HEXA: variants seen among roughly 807,000 people sequenced by gnomAD.
The protein encoded by HEXA is beta-hexosaminidase subunit alpha.
In HEXA, 54 loss-of-function variants were observed where a neutral mutation model predicts 73.3. That is an observed-to-expected ratio of 0.74 (90% CI 0.59 to 0.92). The LOEUF is 0.92. Ranked by LOEUF, HEXA falls within the 40% of genes least tolerant of loss-of-function variation. HEXA has a pLI of 0.00. For missense variants in HEXA, 649 were observed against 653.0 expected, an observed-to-expected ratio of 0.99 and a Z score of 0.07; for synonymous variants, 230 against 246.9, an observed-to-expected ratio of 0.93 and a Z score of 0.64.
chr15:72,355,459 G>C, intron 3 of HEXA, 100 bp downstream of exon 3: 1 of 838,398 alleles, frequency 1.2e-6, no homozygotes, highest in Non-Finnish European at 2.1e-6. Flanking sequence ...CTAGGAGGCA[G>C]AGGTTGCAGT....
At chr15:72,348,892 T>C (rs1370863953) in intron 8 of HEXA, among the ~76,000 whole-genome samples, 187 bp downstream of exon 8, 1 of 152,070 alleles carries the variant, frequency 6.6e-6, no homozygotes, top group Non-Finnish European at 1.5e-5. Context: ...AGGTTCACAG[T>C]GAAAGCCTTG....
At chr15:72,371,299 C>T (rs1431781780) in intron 1 of HEXA, among the ~76,000 whole-genome samples, 1 of 152,162 alleles carries the variant, frequency 6.6e-6, no homozygotes, top group Non-Finnish European at 1.5e-5. Flanking sequence ...GAAAGGTAAT[C>T]CTCAATGAAA....
Position 72,343,872 on chromosome 15 carries a change from C to T in HEXA, c.*205G>A. ...CCATTCACACTTTTTTTTTTAAACA[C>T]AGGTAATCCATGTTTATTATAGAAA... On this transcript the variant is annotated 3_prime_UTR_variant, in exon 14 of 14. Transcript: ENST00000268097. 2 of 542,358 alleles carry T rather than the reference C, an allele frequency of 3.7e-6. No individual in the cohort carries two copies. The highest frequency in any genetic ancestry group is 2.0e-5 in the South Asian group (1 of 51,274). 33.6% of individuals were successfully genotyped at this position (542,358 alleles called of 1,614,324 possible).
chr15:72,354,073 G>C, intron 3 of HEXA: 1 of 351,360 alleles, frequency 2.8e-6, no homozygotes, highest in Non-Finnish European at 5.3e-6. Flanking sequence ...ATACTCATGA[G>C]GACAGACACA....
chr15:72,357,657 GA>G (rs2088803092), intron 1 of HEXA: 1 of 152,172 alleles, frequency 6.6e-6, no homozygotes, highest in African/African-American at 2.4e-5. Flanking sequence ...CAATGTCAGG[GA>G]TAGGATGGCC....
At chr15:72,355,073 C>A in intron 3 of HEXA, 1 of 197,706 alleles carries the variant, frequency 5.1e-6, no homozygotes, top group Non-Finnish European at 1.1e-5. Context: ...GCTACCTGTC[C>A]CCTGCTGGCA....
rs768292244 is a variant in HEXA at position 72,376,004 on chromosome 15, G to T, written c.-32C>A. On this transcript the variant is annotated 5_prime_UTR_variant, in exon 1 of 14. Transcript: ENST00000268097. ...CTGGTCTCCCCTCTCGGAGGGGGCTGGCCACGTGAGACCCTGGTCAGGTGA... is the reference window on the plus strand; with the variant it reads ...CTGGTCTCCCCTCTCGGAGGGGGCTTGCCACGTGAGACCCTGGTCAGGTGA... The T allele has an allele frequency of 6.2e-6, 10 of 1,608,510 alleles. No homozygotes were observed. In the Admixed American group the frequency reaches 1.7e-4, roughly 27 times the overall value.
At chr15:72,367,366 G>C (rs1333194855) in intron 1 of HEXA, among the ~76,000 whole-genome samples, 1 of 152,082 alleles carries the variant, frequency 6.6e-6, no homozygotes, top group African/African-American at 2.4e-5. Flanking sequence ...GTCATCCTCA[G>C]CACCCTTTCC....
intron 1 of HEXA, 45 bp downstream of exon 1, chr15:72,375,675 G>C (rs754782394): frequency 6.2e-7 from 1 of 1,611,546 alleles, no homozygotes; most frequent in Admixed American, 1.7e-5. Context: ...TCCCCAGGCA[G>C]GCACTCTCAG....
chr15:72,350,709 A>G, intron 6 of HEXA, 59 bp from the exon 7 acceptor site: 1 of 1,603,118 alleles, frequency 6.2e-7, no homozygotes, highest in Non-Finnish European at 8.5e-7. Context: ...AGAGTAGAAG[A>G]TACTCAAAAT....
chr15:72,346,505 A>G (rs537494521), intron 11 of HEXA, 22 bp downstream of exon 11: 1 of 1,611,882 alleles, frequency 6.2e-7, no homozygotes, highest in East Asian at 2.2e-5. Flanking sequence ...TTTGGTTAGC[A>G]AGGAGAGCTC....
At position 72,353,063 on chromosome 15, in the gene HEXA, G is replaced by A; in HGVS notation, c.570+5C>T. 1 of 1,574,876 alleles carries A rather than the reference G, an allele frequency of 6.3e-7. No homozygotes were observed. Among genetic ancestry groups the A allele is most frequent in the Non-Finnish European group, 8.7e-7 (1 of 1,144,176 alleles). The stretch of plus-strand genomic sequence containing the variant: ...AGTGTGAAGAAGGCCTTAAGGCCTG[G>A]TTACCAGAGTGTCCAGGATGCTAGA... On this transcript the variant is annotated splice_donor_5th_base_variant and intron_variant, in intron 5 of 13. Transcript: ENST00000268097.
chr15:72,358,883 C>CTA (rs2088817771), intron 1 of HEXA: 1 of 152,286 alleles, frequency 6.6e-6, no homozygotes. Flanking sequence ...CTTTGCCTGG[C>CTA]TATGAAGAGG....
intron 5 of HEXA, chr15:72,351,760 A>C (rs1314032679): frequency 1.1e-5 from 2 of 178,684 alleles, no homozygotes; most frequent in Non-Finnish European, 2.4e-5. Context: ...GAACTGTCAG[A>C]TAAGACTGCA....
chr15:72,351,379 T>C (rs2088694093), intron 5 of HEXA, 145 bp from the exon 6 acceptor site: 2 of 702,516 alleles, frequency 2.8e-6, no homozygotes, highest in East Asian at 2.7e-5. Context: ...ATTTATGGGG[T>C]CTATCAAACC....
In HEXA at chr15:72,363,796, C is replaced by G. The variant is rs144511674; in HGVS notation, c.254-7179G>C. ...GGGAAAAGCTGTAGTTAAAAATTTTCTATTTTCCCCTACTTTTAAAACTGA... is the reference window on the plus strand; with the variant it reads ...GGGAAAAGCTGTAGTTAAAAATTTTGTATTTTCCCCTACTTTTAAAACTGA... On this transcript the variant is annotated intron_variant, in intron 1 of 13. Transcript: ENST00000268097. Among the ~76,000 whole-genome samples, 31 of 152,138 alleles carry G rather than the reference C, an allele frequency of 2.0e-4. No individual in the cohort carries two copies. In the East Asian group the frequency reaches 6.0e-3, roughly 29 times the overall value.
intron 1 of HEXA, chr15:72,370,456 C>T (rs753541084): frequency 3.3e-5 from 13 of 393,398 alleles, no homozygotes; most frequent in African/African-American, 4.1e-5. Context: ...TCGGGGAGGC[C>T]GAGACAAGAG....
intron 1 of HEXA, among the ~76,000 whole-genome samples, chr15:72,372,680 A>T (rs2140341600): frequency 6.6e-6 from 1 of 152,354 alleles, no homozygotes; most frequent in East Asian, 1.9e-4. Context: ...GGCAAATACT[A>T]AACACCTTCA....
At position 72,347,721 on chromosome 15, in the gene HEXA, C is replaced by T. The variant is rs765082947; in HGVS notation, c.1111G>A (p.Val371Met). The change falls in exon 10 of 14, where the codon GTG becomes ATG. Residue 371 changes from valine (V) to methionine (M), a missense_variant. By Grantham distance (21) the Val-to-Met change is conservative. Transcript: ENST00000268097. ...TTATCAAACACCTCCTGCCACACCA[C>T]ATAGCCCTTGCCATAAGAAGAGACG... ...DIVSSYGKGY[V>M]VWQEVFDNKV... 1.2e-6 allele frequency: 2 copies of T among 1,614,122 alleles called. No homozygotes were observed. The highest frequency in any genetic ancestry group is 1.3e-5 in the African/African-American group (1 of 74,946).
Sources: gnomAD v4.1 joint callset for allele counts (sites outside exome capture counted in the v4.1 genomes callset) on GRCh38, gnomAD v4.1.1 for gene constraint, MANE v1.5 for transcripts, NCBI Gene and HGNC (gene_info 2026-07-23, HGNC 2026-07-21) for gene names.